TENM2: variants seen among roughly 807,000 people sequenced by gnomAD.
TENM2 encodes the protein teneurin transmembrane protein 2.
In TENM2, 52 loss-of-function variants were observed where a neutral mutation model predicts 245.2. That is an observed-to-expected ratio of 0.21 (90% CI 0.17 to 0.27). The LOEUF (loss-of-function observed/expected upper bound fraction) is 0.27. Among genes scored for constraint, TENM2 ranks in the 10% least tolerant of loss-of-function variants. The pLI, the probability that TENM2 is intolerant of heterozygous loss-of-function variation, is 1.00. For missense variants in TENM2, 3,046 were observed against 3,666.8 expected, an observed-to-expected ratio of 0.83 and a Z score of 4.37; for synonymous variants, 1,363 against 1,438.9, an observed-to-expected ratio of 0.95 and a Z score of 1.19.
At chr5:167,523,027 T>C (rs891340696) in intron 2 of TENM2, among the ~76,000 whole-genome samples, 1 of 152,158 alleles carries the variant, frequency 6.6e-6, no homozygotes, top group Non-Finnish European at 1.5e-5. Context: ...TGTCATTCCT[T>C]GGCTTGTGGG....
the TENM2 span, among the ~76,000 whole-genome samples, chr5:167,140,070 A>C: frequency 1.4e-4 from 21 of 152,324 alleles, no homozygotes; most frequent in African/African-American, 4.6e-4. Context: ...ACGTGGCAAA[A>C]TTCTAATTTG....
At chr5:167,208,238 C>A in the TENM2 span, among the ~76,000 whole-genome samples, 62 of 152,318 alleles carry the variant, frequency 4.1e-4, no homozygotes, top group Middle Eastern at 0.041. Context: ...CCAGGCATTT[C>A]ATGTTGTCTC....
At chr5:167,945,066 A>T (rs1196694242) in intron 3 of TENM2, among the ~76,000 whole-genome samples, 1 of 152,080 alleles carries the variant, frequency 6.6e-6, no homozygotes, top group African/African-American at 2.4e-5. Context: ...GCAGAAATCT[A>T]CTCTGATCCC....
the TENM2 span, among the ~76,000 whole-genome samples, chr5:167,019,705 A>G: frequency 6.6e-6 from 1 of 151,952 alleles, no homozygotes; most frequent in Non-Finnish European, 1.5e-5. Flanking sequence ...CCTGACCTCA[A>G]GTGATCCGCT....
chr5:168,238,221 GAAGAAAAGAAAAGAAAAGAA>G (rs1182778870), intron 25 of TENM2, among the ~76,000 whole-genome samples: 320 of 24,364 alleles, frequency 0.013, 6 homozygotes, highest in African/African-American at 0.015. Context: ...GAGGGAGAGA[GAAGAAAAGAAAAGAAAAGAA>G]AAGAAAAGAA....
chr5:167,113,214 A>G, the TENM2 span, among the ~76,000 whole-genome samples: 9 of 152,268 alleles, frequency 5.9e-5, no homozygotes, highest in African/African-American at 2.2e-4. Context: ...TAATGGTATA[A>G]TCTAGTTATT....
chr5:167,688,003 G>C (rs1757188644), intron 2 of TENM2, among the ~76,000 whole-genome samples: 1 of 152,152 alleles, frequency 6.6e-6, no homozygotes, highest in Non-Finnish European at 1.5e-5. Flanking sequence ...CAGTTACTCT[G>C]TGCCAGGCAC....
chr5:167,460,698 C>G (rs1456521015), intron 2 of TENM2, among the ~76,000 whole-genome samples: 1 of 151,910 alleles, frequency 6.6e-6, no homozygotes, highest in African/African-American at 2.4e-5. Context: ...ATAAATGCCT[C>G]TGTAAAACAC....
chr5:168,020,348 G>C (rs1031055038), intron 5 of TENM2, among the ~76,000 whole-genome samples: 1 of 152,184 alleles, frequency 6.6e-6, no homozygotes, highest in African/African-American at 2.4e-5. Flanking sequence ...TCTTGGAATA[G>C]ACAGTACCCA....
intron 7 of TENM2, among the ~76,000 whole-genome samples, chr5:168,084,725 G>A (rs993535558): frequency 2.0e-5 from 3 of 152,288 alleles, no homozygotes; most frequent in East Asian, 1.9e-4. Context: ...GGCGTTTAGG[G>A]AATTGGGAAG....
At chr5:168,139,159 A>G (rs981897095) in intron 12 of TENM2, among the ~76,000 whole-genome samples, 1 of 152,254 alleles carries the variant, frequency 6.6e-6, no homozygotes. Flanking sequence ...CATAAAAGAA[A>G]GTAGTCAAAT....
At chr5:167,497,615 C>A (rs935028615) in intron 2 of TENM2, among the ~76,000 whole-genome samples, 1 of 151,934 alleles carries the variant, frequency 6.6e-6, no homozygotes, top group Non-Finnish European at 1.5e-5. Flanking sequence ...TACCTAAAGA[C>A]CCCCCGCAGT....
chr5:167,670,185 G>A (rs1042884940), intron 2 of TENM2, among the ~76,000 whole-genome samples: 1 of 152,102 alleles, frequency 6.6e-6, no homozygotes, highest in Non-Finnish European at 1.5e-5. Flanking sequence ...TTATTTTTGA[G>A]AATTTGGTTT....
intron 10 of TENM2, among the ~76,000 whole-genome samples, chr5:168,121,240 G>A (rs921829183): frequency 1.3e-5 from 2 of 152,100 alleles, no homozygotes; most frequent in Non-Finnish European, 2.9e-5. Context: ...CTGATGTTTC[G>A]AGGCACATGG....
At chr5:167,168,791 G>A in the TENM2 span, among the ~76,000 whole-genome samples, 18 of 152,006 alleles carry the variant, frequency 1.2e-4, no homozygotes, top group Non-Finnish European at 2.6e-4. Context: ...ACAGAGTCTC[G>A]CTCTGTTGTT....
chr5:167,990,690 A>T (rs1176047315), intron 4 of TENM2, among the ~76,000 whole-genome samples: 2 of 152,224 alleles, frequency 1.3e-5, no homozygotes, highest in Admixed American at 6.5e-5. Context: ...TTGGACAAGG[A>T]GTCCAAAGCC....
the TENM2 span, among the ~76,000 whole-genome samples, chr5:167,073,102 T>C: frequency 6.6e-6 from 1 of 152,254 alleles, no homozygotes. Context: ...CTTTAAGAGA[T>C]AAGGTGTGCG....
At chr5:167,185,090 T>C in the TENM2 span, among the ~76,000 whole-genome samples, 3 of 152,312 alleles carry the variant, frequency 2.0e-5, no homozygotes, top group African/African-American at 7.2e-5. Context: ...TCTACACATA[T>C]ATGTTCATAC....
At chr5:167,943,064 A>G (rs563140930) in intron 3 of TENM2, among the ~76,000 whole-genome samples, 1 of 152,346 alleles carries the variant, frequency 6.6e-6, no homozygotes, top group South Asian at 2.1e-4. Context: ...ATGCAGTTCA[A>G]GGTCTGACAT....
Sources: allele counts gnomAD v4.1 joint callset (sites outside exome capture counted in the v4.1 genomes callset), GRCh38; gene constraint gnomAD v4.1.1; transcripts MANE v1.5; gene names NCBI Gene and HGNC (gene_info 2026-07-23, HGNC 2026-07-21).